ERICH3: variants seen among roughly 807,000 people sequenced by gnomAD.
ERICH3 encodes glutamate rich 3.
A neutral mutation model predicts 131.1 loss-of-function variants in ERICH3; 126 were observed. That is an observed-to-expected ratio of 0.96 (90% CI 0.83 to 1.11). ERICH3 has a LOEUF of 1.11. ERICH3 is among the 50% of genes most tolerant of loss of function. The pLI is 0.00. For synonymous variants in ERICH3, 695 were observed against 644.6 expected (o/e 1.08, Z -1.18); for missense variants, 2,050 against 1,810.7 (o/e 1.13, Z -2.40).
chr1:74,576,951 A>C lies in ERICH3; in HGVS notation c.2177-15T>G, dbSNP rs187947555. 6.3e-7 allele frequency: 1 copy of C among 1,588,514 alleles called. No homozygotes were observed. The highest frequency in any genetic ancestry group is 1.8e-5 in the Admixed American group (1 of 55,690). On this transcript the variant is annotated splice_polypyrimidine_tract_variant and intron_variant, in intron 12 of 14. Transcript: ENST00000326665. The stretch of plus-strand genomic sequence containing the variant: ...TGAATCCTTTCCTAGTTAAAAAAAA[A>C]AAAAAGAAAAAAAAGGTCAAATGAA...
chr1:74,617,404 G>C (rs946576569), intron 8 of ERICH3, among the ~76,000 whole-genome samples: 1 of 152,128 alleles, frequency 6.6e-6, no homozygotes, highest in Non-Finnish European at 1.5e-5. Context: ...ACCCAAAAAC[G>C]TGTTTTTATG....
rs1646918088 is a variant in ERICH3 at position 74,570,069 on chromosome 1, T to C, written c.*389A>G. ...TTGTGGAATTGACTGGGGCTCTGTATTGTAAAATAAAAAGGACTTTAAACA... is the reference window on the plus strand; with the variant it reads ...TTGTGGAATTGACTGGGGCTCTGTACTGTAAAATAAAAAGGACTTTAAACA... On this transcript the variant is annotated 3_prime_UTR_variant, in exon 15 of 15. Transcript: ENST00000326665. 1 of 152,190 alleles carries C rather than the reference T, an allele frequency of 6.6e-6. No individual in the cohort carries two copies. The highest frequency in any genetic ancestry group is 2.4e-5 in the African/African-American group (1 of 41,446). 9.4% of individuals were successfully genotyped at this position (152,190 alleles called of 1,614,324 possible). A position where few individuals can be genotyped will look rare whatever the true frequency, so the allele number is the denominator to read the frequency against.
chr1:74,571,131 T>C lies in ERICH3; in HGVS notation c.4579A>G (p.Asn1527Asp), dbSNP rs1646934886. The C allele has an allele frequency of 6.2e-7, 1 of 1,613,464 alleles. No homozygotes were observed. Among genetic ancestry groups the C allele is most frequent in the Non-Finnish European group, 8.5e-7 (1 of 1,179,652 alleles). The change falls in exon 14 of 15, where the codon AAC becomes GAC. Residue 1527 changes from asparagine to aspartate, a missense_variant. By Grantham distance (23) the Asn-to-Asp change is conservative. Transcript: ENST00000326665. ...CAGCAAGTCTCCTAGACCTGCACGT[T>C]GTTGGGGGAAACATCTGCAGTCTCG... Reference protein sequence around the residue: ...ESETADVSPNNVQV With the variant: ...ESETADVSPNDVQV
At chr1:74,573,655 G>A (rs1174336871) in intron 13 of ERICH3, among the ~76,000 whole-genome samples, 164 bp from the exon 14 acceptor site, 1 of 152,164 alleles carries the variant, frequency 6.6e-6, no homozygotes, top group East Asian at 1.9e-4. Flanking sequence ...TTTCTAGGAT[G>A]CTGACTATAA....
chr1:74,597,462 G>T (rs999703851), intron 11 of ERICH3, among the ~76,000 whole-genome samples: 1 of 151,840 alleles, frequency 6.6e-6, no homozygotes, highest in Non-Finnish European at 1.5e-5. Flanking sequence ...TTTAATTTTG[G>T]CTCTTAAATT....
intron 10 of ERICH3, among the ~76,000 whole-genome samples, chr1:74,604,687 A>T (rs1291558787): frequency 6.6e-6 from 1 of 151,934 alleles, no homozygotes; most frequent in East Asian, 1.9e-4. Flanking sequence ...AAGATGTTGA[A>T]AGAAATCTTT....
chr1:74,654,258 C>A (rs1646563393), intron 1 of ERICH3, among the ~76,000 whole-genome samples: 1 of 152,050 alleles, frequency 6.6e-6, no homozygotes, highest in African/African-American at 2.4e-5. Context: ...CCAGCCTCCA[C>A]CTATTATTTA....
intron 12 of ERICH3, chr1:74,586,296 G>T: frequency 1.4e-6 from 1 of 708,458 alleles, no homozygotes; most frequent in Non-Finnish European, 1.7e-6. Flanking sequence ...TGTATAGTAT[G>T]TTTCCATCTA....
intron 9 of ERICH3, 85 bp from the exon 10 acceptor site, chr1:74,606,987 T>C (rs574222016): frequency 3.2e-6 from 4 of 1,244,152 alleles, no homozygotes; most frequent in Admixed American, 4.9e-5. Context: ...CACTTATCTC[T>C]TATTCCAGTA....
At chr1:74,599,161 T>C (rs1647997839) in intron 11 of ERICH3, among the ~76,000 whole-genome samples, 1 of 151,986 alleles carries the variant, frequency 6.6e-6, no homozygotes, top group Non-Finnish European at 1.5e-5. Context: ...TTTAACTTTT[T>C]CCTTCCAAAC....
At position 74,643,061 on chromosome 1, in the gene ERICH3, G is replaced by T. The variant is rs199936738; in HGVS notation, c.281C>A (p.Thr94Asn). 6.1e-5 allele frequency: 99 copies of T among 1,611,002 alleles called. No individual in the cohort carries two copies. Among genetic ancestry groups the T allele is most frequent in the Non-Finnish European group, 8.1e-5 (95 of 1,178,352 alleles). ...CTGGATTCGCTCCTTCCTAGCTAAG[G>T]TCTCCAATTTCTTTTTTATTTCAAG... ...HQLEIKKKLETLARKERIQRF... is the reference protein window; with the variant it reads ...HQLEIKKKLENLARKERIQRF... The change falls in exon 4 of 15, where the codon ACC becomes AAC. Residue 94 changes from threonine to asparagine, a missense_variant. By Grantham distance (65) the Thr-to-Asn change is moderately conservative. Transcript: ENST00000326665.
chr1:74,616,126 C>T (rs914687176), intron 8 of ERICH3, among the ~76,000 whole-genome samples: 5 of 151,964 alleles, frequency 3.3e-5, no homozygotes, highest in African/African-American at 4.8e-5. Context: ...CTCAGCCTCC[C>T]GAGTAGCTGG....
In ERICH3 at chr1:74,641,347, G is replaced by C. The variant is rs755253909; in HGVS notation, c.428C>G (p.Ser143Cys). 6.2e-7 allele frequency: 1 copy of C among 1,612,624 alleles called. No individual in the cohort carries two copies. Among genetic ancestry groups the C allele is most frequent in the South Asian group, 1.1e-5 (1 of 90,994 alleles). Residue 143 changes from serine (S) to cysteine (C), a missense_variant, in exon 5 of 15, where the codon TCC becomes TGC. Coordinates refer to ENST00000326665, the MANE Select transcript of ERICH3 (RefSeq NM_001002912.5). The stretch of plus-strand genomic sequence containing the variant: ...ATTACTCACCAGTGCTAACGGACTG[G>C]AATGTCCTTCATCAACCAGAACACT... ...GHSVLVDEGH[S>C]SPLALTAPRP... is the part of the protein sequence containing the mutation.
intron 1 of ERICH3, among the ~76,000 whole-genome samples, chr1:74,660,409 C>T (rs566238928): frequency 3.2e-4 from 49 of 151,498 alleles, no homozygotes; most frequent in African/African-American, 1.2e-3. Flanking sequence ...AGGCAGTTAC[C>T]ATTGTGTGTC....
chr1:74,575,383 C>T (rs1437542305), intron 13 of ERICH3, among the ~76,000 whole-genome samples: 2 of 152,200 alleles, frequency 1.3e-5, no homozygotes, highest in African/African-American at 4.8e-5. Flanking sequence ...GTTGACTTTA[C>T]AGGTCATCCT....
At chr1:74,577,791 A>T (rs1421787499) in intron 12 of ERICH3, among the ~76,000 whole-genome samples, 1 of 152,212 alleles carries the variant, frequency 6.6e-6, no homozygotes, top group Non-Finnish European at 1.5e-5. Flanking sequence ...AATAATTGAA[A>T]AAAACAGTTT....
intron 12 of ERICH3, chr1:74,577,637 C>A (rs1647091378): frequency 6.6e-6 from 1 of 152,010 alleles, no homozygotes; most frequent in South Asian, 2.1e-4. Context: ...AAACAACTCC[C>A]AAGCTATGAT....
chr1:74,582,645 AT>A (rs1647199108), intron 12 of ERICH3, among the ~76,000 whole-genome samples: 1 of 152,176 alleles, frequency 6.6e-6, no homozygotes, highest in South Asian at 2.1e-4. Context: ...AACAAATCAA[AT>A]AACATATGAA....
intron 9 of ERICH3, among the ~76,000 whole-genome samples, chr1:74,610,298 G>A (rs1403313003): frequency 6.6e-6 from 1 of 151,022 alleles, no homozygotes; most frequent in Non-Finnish European, 1.5e-5. Context: ...ATCCTCAGTT[G>A]ATAAATTTAT....
Sources: gnomAD v4.1 joint callset for allele counts (sites outside exome capture counted in the v4.1 genomes callset) on GRCh38, gnomAD v4.1.1 for gene constraint, MANE v1.5 for transcripts, NCBI Gene and HGNC (gene_info 2026-07-23, HGNC 2026-07-21) for gene names.